Variants in STXBP4 observed in about 807,000 individuals in gnomAD.
STXBP4 encodes syntaxin binding protein 4.
STXBP4 carries 55 observed loss-of-function variants against 76.1 expected under a neutral mutation model. The ratio of observed to expected loss-of-function variants is 0.72; its 90% CI spans 0.58 to 0.91. The LOEUF (loss-of-function observed/expected upper bound fraction) is 0.91, where lower values mean the gene tolerates loss of function less well. Ranked by LOEUF, STXBP4 falls within the 40% of genes least tolerant of loss-of-function variation. The pLI, the probability that STXBP4 is intolerant of heterozygous loss-of-function variation, is 0.00. For synonymous variants in STXBP4, 201 were observed against 220.2 expected (o/e 0.91, Z 0.77); for missense variants, 618 against 636.9 (o/e 0.97, Z 0.32).
intron 16 of STXBP4, among the ~76,000 whole-genome samples, chr17:55,117,509 A>G (rs995739653): frequency 1.3e-5 from 2 of 151,774 alleles, no homozygotes; most frequent in African/African-American, 2.4e-5. Flanking sequence ...AGGCTTCCCA[A>G]CACCCTGACT....
intron 16 of STXBP4, among the ~76,000 whole-genome samples, chr17:55,094,243 G>A (rs1238025260): frequency 6.6e-6 from 1 of 150,554 alleles, no homozygotes; most frequent in Non-Finnish European, 1.5e-5. Flanking sequence ...GGGTGGATAT[G>A]TAGCAAGAAG....
chr17:55,003,767 AATTT>A, intron 7 of STXBP4, among the ~76,000 whole-genome samples: 1 of 152,326 alleles, frequency 6.6e-6, no homozygotes, highest in South Asian at 2.1e-4. Context: ...ATTATACAGA[AATTT>A]ATTTCAAAAT....
chr17:55,019,198 CT>C (rs575292317), intron 8 of STXBP4, among the ~76,000 whole-genome samples: 7 of 151,838 alleles, frequency 4.6e-5, no homozygotes, highest in Non-Finnish European at 7.4e-5. Context: ...TTTTGTTCTC[CT>C]TTTTTTATCA....
intron 8 of STXBP4, among the ~76,000 whole-genome samples, chr17:55,028,059 CTG>C (rs1380104130): frequency 2.6e-5 from 4 of 152,026 alleles, no homozygotes; most frequent in Non-Finnish European, 5.9e-5. Context: ...CATTCAAAAA[CTG>C]AAGTAAATAT....
chr17:55,210,596 A>G, the STXBP4 span, among the ~76,000 whole-genome samples: 2 of 152,230 alleles, frequency 1.3e-5, no homozygotes, highest in African/African-American at 4.8e-5. Context: ...ATTAGAGTAT[A>G]AAATCATAAA....
chr17:55,181,345 T>C, the STXBP4 span, among the ~76,000 whole-genome samples: 6 of 152,234 alleles, frequency 3.9e-5, no homozygotes, highest in South Asian at 4.1e-4. Flanking sequence ...TATTCTATTA[T>C]AGGAAAAACA....
At chr17:55,122,268 A>G (rs1354741791) in intron 16 of STXBP4, among the ~76,000 whole-genome samples, 1 of 152,252 alleles carries the variant, frequency 6.6e-6, no homozygotes, top group Non-Finnish European at 1.5e-5. Context: ...GTCCACAATC[A>G]TGTTTTCCAC....
In STXBP4 at chr17:54,969,322, A is replaced by G. The variant is rs117198340; in HGVS notation, c.-157+507A>G. Among the ~76,000 whole-genome samples, 437 of 152,352 alleles carry G rather than the reference A, an allele frequency of 2.9e-3. 9 individuals are homozygous for G. Among genetic ancestry groups the G allele is most frequent in the East Asian group, 0.025 (131 of 5,186 alleles). On this transcript the variant is annotated intron_variant, in intron 1 of 17. Transcript: ENST00000376352. ...AGAAACGAACCCCGTGGGAGGATGT[A>G]ATAGCTTTCTTCAGTTGTCCCACAG...
intron 12 of STXBP4, among the ~76,000 whole-genome samples, chr17:55,064,637 G>GCACGCCA (rs1390025322): frequency 1.3e-5 from 2 of 151,810 alleles, no homozygotes; most frequent in Admixed American, 1.3e-4. Flanking sequence ...GGGATTGCAG[G>GCACGCCA]CACGCCACCC....
chr17:55,062,243 CCT>C (rs1338078860), intron 12 of STXBP4, among the ~76,000 whole-genome samples: 1 of 152,096 alleles, frequency 6.6e-6, no homozygotes, highest in African/African-American at 2.4e-5. Context: ...TCCTCTCACC[CCT>C]GACCCCCTGA....
At chr17:55,057,692 C>T (rs910818271) in intron 12 of STXBP4, among the ~76,000 whole-genome samples, 2 of 152,070 alleles carry the variant, frequency 1.3e-5, no homozygotes, top group Non-Finnish European at 2.9e-5. Flanking sequence ...TATCTTTATG[C>T]TCTCCCTCCC....
intron 7 of STXBP4, among the ~76,000 whole-genome samples, chr17:55,003,663 T>G (rs1350286051): frequency 2.6e-5 from 4 of 152,234 alleles, no homozygotes; most frequent in Non-Finnish European, 5.9e-5. Flanking sequence ...TAGATAGTTC[T>G]ATTTCTGTTC....
chr17:55,103,037 A>G (rs1182415667), intron 16 of STXBP4, among the ~76,000 whole-genome samples: 1 of 151,976 alleles, frequency 6.6e-6, no homozygotes, highest in Non-Finnish European at 1.5e-5. Context: ...AATGCCCTTC[A>G]TCAGATGGAT....
intron 12 of STXBP4, among the ~76,000 whole-genome samples, chr17:55,057,014 A>T (rs1195212737): frequency 6.6e-6 from 1 of 152,186 alleles, no homozygotes; most frequent in Non-Finnish European, 1.5e-5. Flanking sequence ...AAATAGGTAA[A>T]GTCATTATTT....
intron 16 of STXBP4, among the ~76,000 whole-genome samples, chr17:55,092,004 C>G (rs1171777085): frequency 1.3e-5 from 2 of 152,114 alleles, no homozygotes; most frequent in African/African-American, 4.8e-5. Flanking sequence ...GGTACTCAAC[C>G]TGTAATATCA....
intron 7 of STXBP4, 126 bp downstream of exon 7, chr17:55,001,009 A>G: frequency 1.6e-6 from 1 of 611,000 alleles, no homozygotes; most frequent in East Asian, 3.0e-5. Context: ...GTGAACGAAA[A>G]AGTAAAAATA....
chr17:55,028,267 A>G (rs1372116764), intron 8 of STXBP4, among the ~76,000 whole-genome samples: 1 of 152,170 alleles, frequency 6.6e-6, no homozygotes, highest in Non-Finnish European at 1.5e-5. Flanking sequence ...AAAATTGTGT[A>G]TAATCTAAAT....
rs1031469026 is a variant in STXBP4 at position 55,160,008 on chromosome 17, T to G, written c.*97T>G. On this transcript the variant is annotated 3_prime_UTR_variant, in exon 18 of 18. Transcript: ENST00000376352. ...AACAGTCTAAAATAGGAGTAAAGCA[T>G]GCACTACTTGTTGAAGTGTGAAATG... The G allele has an allele frequency of 1.5e-6, 1 of 678,984 alleles. No homozygotes were observed. The highest frequency in any genetic ancestry group is 2.5e-6 in the Non-Finnish European group (1 of 395,012). The allele number at this position is 678,984 out of a possible 1,614,324, so 42.1% of individuals were successfully genotyped here. A position where few individuals can be genotyped will look rare whatever the true frequency, so the allele number is the denominator to read the frequency against.
chr17:55,040,894 G>A (rs1045582895), intron 10 of STXBP4, among the ~76,000 whole-genome samples: 7 of 152,228 alleles, frequency 4.6e-5, no homozygotes, highest in South Asian at 4.2e-4. Context: ...TTCATTTGCC[G>A]CTTCCTTAGC....
Sources: allele counts gnomAD v4.1 joint callset (sites outside exome capture counted in the v4.1 genomes callset), GRCh38; gene constraint gnomAD v4.1.1; transcripts MANE v1.5; gene names NCBI Gene and HGNC (gene_info 2026-07-23, HGNC 2026-07-21).